The following DSCAML1 variants were observed in gnomAD, a reference collection of about 807,000 sequenced individuals.
DSCAML1 encodes DS cell adhesion molecule like 1.
A neutral mutation model predicts 200.5 loss-of-function variants in DSCAML1; 38 were observed. That is an observed-to-expected ratio of 0.19 (90% CI 0.15 to 0.25). The LOEUF is 0.25. DSCAML1 is among the 10% of genes least tolerant of loss of function. DSCAML1 has a pLI of 1.00. For synonymous variants in DSCAML1, 1,215 were observed against 1,165.0 expected (o/e 1.04, Z -0.87); for missense variants, 2,223 against 2,858.8 (o/e 0.78, Z 5.07).
chr11:117,668,861 C>T (rs2053037970), intron 3 of DSCAML1: 2 of 152,234 alleles, frequency 1.3e-5, no homozygotes, highest in Non-Finnish European at 2.9e-5. Flanking sequence ...CCCATTCAGG[C>T]TAGCACCCAA....
chr11:117,431,094 A>G (rs1592560015), intron 31 of DSCAML1, 61 bp from the exon 32 acceptor site: 2 of 1,490,374 alleles, frequency 1.3e-6, no homozygotes, highest in Non-Finnish European at 9.1e-7. Context: ...AGACTGACTG[A>G]GCACTTCCCC....
In DSCAML1 at chr11:117,518,442, T is replaced by C. The variant is rs199647263; in HGVS notation, c.1510+24A>G. The stretch of plus-strand genomic sequence containing the variant: ...GGCAAAGGAACTCAAAAACCTATTC[T>C]GATATTTAAATGTAGACAGGCACCT... On this transcript the variant is annotated intron_variant, in intron 7 of 32. Coordinates refer to ENST00000651296, the MANE Select transcript of DSCAML1 (RefSeq NM_020693.4). The surrounding 1 kb of genome is among the most constrained non-coding windows in gnomAD (Gnocchi z 6.3). The C allele has an allele frequency of 6.2e-7, 1 of 1,613,920 alleles. No homozygotes were observed. The highest frequency in any genetic ancestry group is 2.2e-5 in the East Asian group (1 of 44,890).
intron 2 of DSCAML1, among the ~76,000 whole-genome samples, chr11:117,777,687 C>T (rs539078483): frequency 2.6e-5 from 4 of 152,276 alleles, no homozygotes; most frequent in East Asian, 3.9e-4. Context: ...CTCCCTGACC[C>T]CCAGACTTGC....
Position 117,503,258 on chromosome 11 carries a change from GA to G in DSCAML1, c.2359+586del, listed in dbSNP as rs2049431936. Among the ~76,000 whole-genome samples the G allele has an allele frequency of 1.3e-5, 2 of 152,136 alleles. No homozygotes were observed. Among genetic ancestry groups the G allele is most frequent in the Non-Finnish European group, 2.9e-5 (2 of 68,038 alleles). ...TTCTGAAGCATCCTCCTCTTTCCAA[GA>G]TCAGTTCCTGCAGGACTCACAACAA... On this transcript the variant is annotated intron_variant, in intron 11 of 32. Transcript: ENST00000651296. This position sits in a 1 kb window ranked among gnomAD's most constrained non-coding sequence, Gnocchi z 5.2.
At chr11:117,753,623 T>A (rs1408045350) in intron 3 of DSCAML1, among the ~76,000 whole-genome samples, 1 of 152,170 alleles carries the variant, frequency 6.6e-6, no homozygotes. Context: ...AGGCACACTT[T>A]TGTTGATTGT....
At chr11:117,646,917 T>G (rs918551978) in intron 3 of DSCAML1, among the ~76,000 whole-genome samples, 1 of 151,822 alleles carries the variant, frequency 6.6e-6, no homozygotes, top group East Asian at 1.9e-4. Flanking sequence ...TCACAAATTA[T>G]CAAATTTCAG....
At chr11:117,675,598 A>G (rs77379205) in intron 3 of DSCAML1, among the ~76,000 whole-genome samples, 2,470 of 149,286 alleles carry the variant, frequency 0.017, 64 homozygotes, top group African/African-American at 0.057. Context: ...TTTCCTCCAG[A>G]CCTGGGTCCC....
chr11:117,627,976 C>T (rs1410528637), intron 3 of DSCAML1, among the ~76,000 whole-genome samples: 1 of 152,142 alleles, frequency 6.6e-6, no homozygotes, highest in East Asian at 1.9e-4. Context: ...GTATTTCCCA[C>T]AGAGCCCATC....
At chr11:117,813,245 C>G (rs943794689) in intron 1 of DSCAML1, among the ~76,000 whole-genome samples, 4 of 152,222 alleles carry the variant, frequency 2.6e-5, no homozygotes, top group African/African-American at 9.7e-5. Flanking sequence ...GCCCATTTAA[C>G]CTCCTGTATA....
At chr11:117,439,084 T>TCACTCC (rs542028727) in intron 23 of DSCAML1, 101 bp from the exon 24 acceptor site, 146 of 1,339,168 alleles carry the variant, frequency 1.1e-4, no homozygotes, top group Admixed American at 2.4e-4. Context: ...TCCCACACCC[T>TCACTCC]CACTCCCACT....
At chr11:117,523,144 G>T (rs1186037846) in intron 5 of DSCAML1, among the ~76,000 whole-genome samples, 1 of 152,186 alleles carries the variant, frequency 6.6e-6, no homozygotes, top group Non-Finnish European at 1.5e-5. Context: ...TTCAACATGT[G>T]TGCCTGTGTC....
At chr11:117,563,718 G>A (rs532532657) in intron 3 of DSCAML1, among the ~76,000 whole-genome samples, 4 of 152,266 alleles carry the variant, frequency 2.6e-5, no homozygotes, top group South Asian at 2.1e-4. Context: ...ACCTCAAAGC[G>A]GAATTGATTG....
chr11:117,515,900 G>A (rs759457356), intron 8 of DSCAML1, among the ~76,000 whole-genome samples: 24 of 152,076 alleles, frequency 1.6e-4, no homozygotes, highest in Non-Finnish European at 3.1e-4. Flanking sequence ...ATTACAACGT[G>A]AGCCACTGTG....
chr11:117,605,159 G>A (rs2051539789), intron 3 of DSCAML1, among the ~76,000 whole-genome samples: 1 of 152,102 alleles, frequency 6.6e-6, no homozygotes, highest in Non-Finnish European at 1.5e-5. Flanking sequence ...CTCTGGAGTA[G>A]CTGAGACTAC....
intron 3 of DSCAML1, among the ~76,000 whole-genome samples, chr11:117,747,315 C>T (rs73585230): frequency 0.045 from 6,798 of 152,188 alleles, 479 homozygotes; most frequent in African/African-American, 0.15. Context: ...GCCTTGGGAG[C>T]GGGTTTCTTC....
intron 3 of DSCAML1, among the ~76,000 whole-genome samples, chr11:117,617,025 G>GA (rs2137542162): frequency 6.6e-6 from 1 of 152,266 alleles, no homozygotes; most frequent in East Asian, 1.9e-4. Context: ...TAAATTTGTT[G>GA]ACTATCACTA....
In DSCAML1 at chr11:117,469,361, T is replaced by C. The variant is rs1438779781; in HGVS notation, c.3024+549A>G. Among the ~76,000 whole-genome samples, 1 of 152,152 alleles carries C rather than the reference T, an allele frequency of 6.6e-6. No individual in the cohort carries two copies. Among genetic ancestry groups the C allele is most frequent in the Non-Finnish European group, 1.5e-5 (1 of 68,026 alleles). On this transcript the variant is annotated intron_variant, in intron 16 of 32. Transcript: ENST00000651296. This position sits in a 1 kb window ranked among gnomAD's most constrained non-coding sequence, Gnocchi z 4.1. ...CCTGCTCAAGGTCATTCTGTTCTGT[T>C]TCCCTGCCCAGCTGTGGAATCTCCC...
intron 3 of DSCAML1, among the ~76,000 whole-genome samples, chr11:117,716,537 T>A (rs1329187443): frequency 6.6e-6 from 1 of 152,070 alleles, no homozygotes. Context: ...TCAGAACAGG[T>A]GGGCGTGCCT....
Position 117,438,024 on chromosome 11 carries a change from A to G in DSCAML1, c.4303T>C (p.Ser1435Pro). Residue 1435 changes from serine to proline, a missense_variant, in exon 25 of 33, where the codon TCC (serine) becomes CCC (proline). By Grantham distance (74) the Ser-to-Pro change is moderately conservative. Coordinates refer to ENST00000651296, the MANE Select transcript of DSCAML1 (RefSeq NM_020693.4). ...TCCAGCTTGAAGGAGCGCTCGCTGG[A>G]GCTGATGAACACATCCTTCCACTCC... is the stretch of plus-strand genomic sequence containing the variant. ...SEEWKDVFIS[S>P]SERSFKLDSL... 6.2e-7 allele frequency: 1 copy of G among 1,614,062 alleles called. No individual in the cohort carries two copies. Among genetic ancestry groups the G allele is most frequent in the Non-Finnish European group, 8.5e-7 (1 of 1,179,988 alleles).
Sources: allele counts gnomAD v4.1 joint callset (sites outside exome capture counted in the v4.1 genomes callset), GRCh38; gene constraint gnomAD v4.1.1; non-coding constraint Gnocchi (gnomAD v3.1); transcripts MANE v1.5; gene names NCBI Gene and HGNC (gene_info 2026-07-23, HGNC 2026-07-21).